The following PCDHGA10 variants were observed in gnomAD, a reference collection of about 807,000 sequenced individuals.
The protein encoded by PCDHGA10 is protocadherin gamma subfamily A, 10.
Under a neutral mutation model 59.5 loss-of-function variants are expected in PCDHGA10, and 42 were observed. The ratio of observed to expected loss-of-function variants is 0.71; its 90% CI spans 0.55 to 0.91. The LOEUF (loss-of-function observed/expected upper bound fraction) is 0.91, where lower values mean the gene tolerates loss of function less well. PCDHGA10 is among the 40% of genes least tolerant of loss of function. The pLI is 0.00. For synonymous variants in PCDHGA10, 511 were observed against 517.2 expected, an observed-to-expected ratio of 0.99 and a Z score of 0.16; for missense variants, 1,111 against 1,198.2, an observed-to-expected ratio of 0.93 and a Z score of 1.07.
chr5:141,433,029 T>C (rs2097561523), intron 1 of PCDHGA10: 2 of 1,613,998 alleles, frequency 1.2e-6, no homozygotes, highest in African/African-American at 2.7e-5. Flanking sequence ...TCCCACGAGG[T>C]TTCCCTCACC....
At chr5:141,498,520 A>T (rs1178141390) in intron 2 of PCDHGA10, among the ~76,000 whole-genome samples, 1 of 149,264 alleles carries the variant, frequency 6.7e-6, no homozygotes, top group Non-Finnish European at 1.5e-5. Flanking sequence ...CATCTTGCCC[A>T]CTGCCCTCCA....
rs956263164 is a variant in PCDHGA10 at position 141,511,304 on chromosome 5, C to G, written c.*131C>G. The G allele has an allele frequency of 3.3e-5, 49 of 1,490,320 alleles. No homozygotes were observed. The highest frequency in any genetic ancestry group is 4.2e-5 in the African/African-American group (3 of 71,286). The allele number at this position is 1,490,320 out of a possible 1,614,324, so 92.3% of individuals were successfully genotyped here. ...TGGTAGGGGCCAAGGCCATGCTCCC[C>G]TTGGGAAACAGAAACAAGTGCCCAG... On this transcript the variant is annotated 3_prime_UTR_variant, in exon 4 of 4. Coordinates refer to ENST00000398610, the MANE Select transcript of PCDHGA10 (RefSeq NM_018913.3).
chr5:141,416,062 T>G, intron 1 of PCDHGA10: 1 of 176,822 alleles, frequency 5.7e-6, no homozygotes, highest in Non-Finnish European at 1.2e-5. Flanking sequence ...AATCCAAGAA[T>G]ACTCAATGCA....
At chr5:141,466,376 C>A (rs1046432765) in intron 1 of PCDHGA10, among the ~76,000 whole-genome samples, 1 of 151,904 alleles carries the variant, frequency 6.6e-6, no homozygotes, top group Non-Finnish European at 1.5e-5. Flanking sequence ...GTTTTGGCAC[C>A]CATCTAATGG....
In PCDHGA10 at chr5:141,413,659, A is replaced by G. The variant is rs2095663872; in HGVS notation, c.484A>G (p.Ile162Val). Reference sequence around the variant, plus strand: ...AATGCGTTTTCCTCTCCCGGAAGCTATTGATCCGGATGTGGGCGTGAACTC... The same window carrying G: ...AATGCGTTTTCCTCTCCCGGAAGCTGTTGATCCGGATGTGGGCGTGAACTC... ...AGMRFPLPEAIDPDVGVNSLQ... is the reference protein window; with the variant it reads ...AGMRFPLPEAVDPDVGVNSLQ... Residue 162 changes from isoleucine to valine, a missense_variant, in exon 1 of 4, where the codon ATT becomes GTT. By Grantham distance (29) the Ile-to-Val change is conservative. Transcript: ENST00000398610. The G allele has an allele frequency of 1.2e-6, 2 of 1,613,830 alleles. No homozygotes were observed. The highest frequency in any genetic ancestry group is 1.3e-5 in the African/African-American group (1 of 75,050).
rs1356654620 is a variant in PCDHGA10 at position 141,490,430 on chromosome 5, TTAA to T, written c.2437-4376_2437-4374del. On this transcript the variant is annotated intron_variant, in intron 1 of 3. Coordinates refer to ENST00000398610, the MANE Select transcript of PCDHGA10 (RefSeq NM_018913.3). The surrounding 1 kb of genome is among the most constrained non-coding windows in gnomAD (Gnocchi z 5.4). ...ATCTCTCCGGACCTGCCATTTCAGA[TTAA>T]GCCTTCTGAGAACCACTACTCGCTG... 1 of 1,614,162 alleles carries T rather than the reference TTAA, an allele frequency of 6.2e-7. No individual in the cohort carries two copies.
intron 2 of PCDHGA10, among the ~76,000 whole-genome samples, chr5:141,500,877 AT>A (rs369345007): frequency 5.2e-4 from 64 of 122,250 alleles, no homozygotes; most frequent in Admixed American, 1.0e-3. Context: ...TTCATTTACA[AT>A]TTTTTTTTTT....
Position 141,489,653 on chromosome 5 carries a change from G to A in PCDHGA10, c.2437-5154G>A, listed in dbSNP as rs752269910. 2.0e-5 allele frequency: 33 copies of A among 1,614,164 alleles called. No individual in the cohort carries two copies. In the East Asian group the frequency reaches 4.9e-4, roughly 24 times the overall value. ...TCTCCTAGCTTTGCCACCCCTGAGC[G>A]AGAGATGCGCATCTCAGAATCAGCA... On this transcript the variant is annotated intron_variant, in intron 1 of 3. Transcript: ENST00000398610. This position sits in a 1 kb window ranked among gnomAD's most constrained non-coding sequence, Gnocchi z 4.5.
intron 1 of PCDHGA10, chr5:141,418,595 G>GT (rs2096273873): frequency 6.2e-7 from 1 of 1,613,928 alleles, no homozygotes; most frequent in African/African-American, 1.3e-5. Context: ...CAGCCAGGAC[G>GT]TGTACAGGGT....
intron 2 of PCDHGA10, among the ~76,000 whole-genome samples, chr5:141,503,100 G>A (rs563699751): frequency 6.6e-6 from 1 of 151,592 alleles, no homozygotes; most frequent in South Asian, 2.1e-4. Context: ...TGGTCTGCCC[G>A]CCCCTGCCTC....
At chr5:141,427,945 A>G (rs747625541) in intron 1 of PCDHGA10, 22 of 1,586,364 alleles carry the variant, frequency 1.4e-5, no homozygotes, top group Middle Eastern at 1.7e-4. Flanking sequence ...GGCGACCTCA[A>G]TGACAATGTG....
chr5:141,491,332 C>T lies in PCDHGA10; in HGVS notation c.2437-3475C>T, dbSNP rs1013118722. 2 of 1,614,072 alleles carry T rather than the reference C, an allele frequency of 1.2e-6. No individual in the cohort carries two copies. The highest frequency in any genetic ancestry group is 2.7e-5 in the African/African-American group (2 of 74,944). On this transcript the variant is annotated intron_variant, in intron 1 of 3. Coordinates refer to ENST00000398610, the MANE Select transcript of PCDHGA10 (RefSeq NM_018913.3). This position sits in a 1 kb window ranked among gnomAD's most constrained non-coding sequence, Gnocchi z 6.9. ...CCTTACCCTTTACCTCATTGTGGCT[C>T]TAGCGACCGTCAGTCTCTTATCCCT...
intron 1 of PCDHGA10, chr5:141,422,019 G>T (rs777239843): frequency 1.9e-6 from 3 of 1,610,862 alleles, no homozygotes; most frequent in Non-Finnish European, 2.5e-6. Context: ...GGGTGCTGAT[G>T]GTTAATGCAA....
intron 1 of PCDHGA10, chr5:141,433,178 A>G: frequency 6.2e-7 from 1 of 1,608,316 alleles, no homozygotes. Context: ...TCATGGGTTA[A>G]TTGAGGTGAG....
chr5:141,447,181 G>C (rs442221), intron 1 of PCDHGA10, among the ~76,000 whole-genome samples: 152,246 of 152,338 alleles, frequency 1, 76,078 homozygotes, highest in Middle Eastern at 1. Context: ...CTCTTGTCGC[G>C]CAGGCTGGAG....
chr5:141,489,111 C>G lies in PCDHGA10; in HGVS notation c.2437-5696C>G. 1.9e-6 allele frequency: 1 copy of G among 518,042 alleles called. No individual in the cohort carries two copies. Among genetic ancestry groups the G allele is most frequent in the Non-Finnish European group, 3.2e-6 (1 of 308,182 alleles). The allele number at this position is 518,042 out of a possible 1,614,324, so 32.1% of individuals were successfully genotyped here. The stretch of plus-strand genomic sequence containing the variant: ...GTGACTAAGAACTGCTGCAAGCAGG[C>G]AAACCTCCGAGCAGTTTTTAAGAGG... On this transcript the variant is annotated intron_variant, in intron 1 of 3. Coordinates refer to ENST00000398610, the MANE Select transcript of PCDHGA10 (RefSeq NM_018913.3). This position sits in a 1 kb window ranked among gnomAD's most constrained non-coding sequence, Gnocchi z 4.5.
chr5:141,490,045 C>G lies in PCDHGA10; in HGVS notation c.2437-4762C>G, dbSNP rs530803072. 6 of 1,614,114 alleles carry G rather than the reference C, an allele frequency of 3.7e-6. No individual in the cohort carries two copies. The highest frequency in any genetic ancestry group is 5.1e-6 in the Non-Finnish European group (6 of 1,180,014). On this transcript the variant is annotated intron_variant, in intron 1 of 3. Coordinates refer to ENST00000398610, the MANE Select transcript of PCDHGA10 (RefSeq NM_018913.3). This position sits in a 1 kb window ranked among gnomAD's most constrained non-coding sequence, Gnocchi z 5.4. ...GCTGCTCCGCCTCAATGCCACTGAT[C>G]CAGACGAGGGCACCAACGGCCAACT...
intron 1 of PCDHGA10, chr5:141,419,360 C>T (rs763624320): frequency 6.2e-7 from 1 of 1,613,818 alleles, no homozygotes; most frequent in South Asian, 1.1e-5. Flanking sequence ...GTCACGAACG[C>T]TGTCGTCCTA....
rs1029546280 is a variant in PCDHGA10 at position 141,423,551 on chromosome 5, A to G, written c.2436+7940A>G. On this transcript the variant is annotated intron_variant, in intron 1 of 3. Coordinates refer to ENST00000398610, the MANE Select transcript of PCDHGA10 (RefSeq NM_018913.3). ...AGTCACCTGATTTTCCCCCAGCCCA[A>G]CTATGGGGACACGCTCATCAGCCAG... The G allele has an allele frequency of 2.5e-6, 4 of 1,613,498 alleles. No individual in the cohort carries two copies. The African/African-American group carries it at 5.3e-5, about 22-fold the overall frequency.
Sources: allele counts gnomAD v4.1 joint callset (sites outside exome capture counted in the v4.1 genomes callset), GRCh38; gene constraint gnomAD v4.1.1; non-coding constraint Gnocchi (gnomAD v3.1); transcripts MANE v1.5; gene names NCBI Gene and HGNC (gene_info 2026-07-23, HGNC 2026-07-21).